EPHA3: variants seen among roughly 807,000 people sequenced by gnomAD.
EPHA3 encodes EPH receptor A3.
A neutral mutation model predicts 107.1 loss-of-function variants in EPHA3; 42 were observed. That is an observed-to-expected ratio of 0.39 (90% CI 0.31 to 0.51). The LOEUF is 0.51. Ranked by LOEUF, EPHA3 falls within the 20% of genes least tolerant of loss-of-function variation. EPHA3 has a pLI of 0.78. For missense variants in EPHA3, 1,183 were observed against 1,211.2 expected (o/e 0.98, Z 0.35); for synonymous variants, 461 against 424.8 (o/e 1.09, Z -1.05).
At chr3:89,208,374 A>C (rs1302896824) in intron 2 of EPHA3, among the ~76,000 whole-genome samples, 2 of 143,570 alleles carry the variant, frequency 1.4e-5, no homozygotes, top group Non-Finnish European at 3.0e-5. Flanking sequence ...CTGTGAAAAA[A>C]AAAAAAAAAG....
chr3:89,109,402 C>A (rs73142568), intron 1 of EPHA3, among the ~76,000 whole-genome samples: 1 of 151,820 alleles, frequency 6.6e-6, no homozygotes, highest in East Asian at 1.9e-4. Flanking sequence ...TTGTTCTTTG[C>A]AGATATTAAA....
At chr3:89,131,694 G>A (rs1165256408) in intron 2 of EPHA3, among the ~76,000 whole-genome samples, 2 of 152,150 alleles carry the variant, frequency 1.3e-5, no homozygotes, top group Non-Finnish European at 2.9e-5. Context: ...TGTAGAAAAA[G>A]CACTGTCTGA....
At chr3:89,203,430 G>A (rs375594875) in intron 2 of EPHA3, among the ~76,000 whole-genome samples, 2 of 151,960 alleles carry the variant, frequency 1.3e-5, no homozygotes, top group East Asian at 1.9e-4. Context: ...CATTGCAACA[G>A]ACCTGAGATC....
intron 3 of EPHA3, among the ~76,000 whole-genome samples, chr3:89,279,186 A>C (rs776114813): frequency 6.6e-6 from 1 of 152,114 alleles, no homozygotes; most frequent in Non-Finnish European, 1.5e-5. Context: ...TGTTCCTTAG[A>C]GTTTTTTTTA....
chr3:89,123,557 A>G (rs983496262), intron 1 of EPHA3, among the ~76,000 whole-genome samples: 1 of 152,162 alleles, frequency 6.6e-6, no homozygotes, highest in Non-Finnish European at 1.5e-5. Context: ...AGTCAAATCA[A>G]CAGTCCAAGT....
intron 5 of EPHA3, among the ~76,000 whole-genome samples, chr3:89,370,411 A>G (rs1466893473): frequency 6.6e-6 from 1 of 151,908 alleles, no homozygotes. Context: ...GCAAGGACAA[A>G]AAACCAAACA....
At chr3:89,368,920 A>C (rs1233254378) in intron 5 of EPHA3, among the ~76,000 whole-genome samples, 1 of 150,556 alleles carries the variant, frequency 6.6e-6, no homozygotes, top group Non-Finnish European at 1.5e-5. Context: ...GCAACCATTA[A>C]TTTTCCAGTT....
At chr3:89,145,575 A>G (rs1704537597) in intron 2 of EPHA3, among the ~76,000 whole-genome samples, 1 of 151,812 alleles carries the variant, frequency 6.6e-6, no homozygotes, top group Admixed American at 6.6e-5. Flanking sequence ...AATAGCTTAT[A>G]TCCTTCCATT....
chr3:89,197,871 G>A (rs1705874026), intron 2 of EPHA3, among the ~76,000 whole-genome samples: 1 of 152,130 alleles, frequency 6.6e-6, no homozygotes, highest in Admixed American at 6.6e-5. Context: ...AGCTACTGGG[G>A]AGGCTGAGGG....
chr3:89,394,950 T>C (rs905572378), intron 5 of EPHA3, among the ~76,000 whole-genome samples: 1 of 152,176 alleles, frequency 6.6e-6, no homozygotes, highest in African/African-American at 2.4e-5. Flanking sequence ...CAGAAGTACT[T>C]TGATGATAGT....
chr3:89,233,336 C>T (rs544004465), intron 3 of EPHA3, among the ~76,000 whole-genome samples: 10 of 152,218 alleles, frequency 6.6e-5, no homozygotes, highest in African/African-American at 2.4e-4. Flanking sequence ...TCCCCCAAGA[C>T]CTACATTGTC....
chr3:89,436,652 A>G (rs1709676674), intron 13 of EPHA3, among the ~76,000 whole-genome samples: 1 of 152,210 alleles, frequency 6.6e-6, no homozygotes, highest in Non-Finnish European at 1.5e-5. Flanking sequence ...TATATAATCT[A>G]ATTATGTATT....
At position 89,355,764 on chromosome 3, in the gene EPHA3, C is replaced by T. The variant is rs1707933396; in HGVS notation, c.1306+13674C>T. On this transcript the variant is annotated intron_variant, in intron 5 of 16. Transcript: ENST00000336596. Reference sequence around the variant, plus strand: ...TCTCCATAATGATCATGCAGATCTTCCCGTGTCTGGGGGAAATAGAAACTC... The same window carrying T: ...TCTCCATAATGATCATGCAGATCTTTCCGTGTCTGGGGGAAATAGAAACTC... 2.0e-5 allele frequency among the ~76,000 whole-genome samples: 3 copies of T among 149,764 alleles called. No individual in the cohort carries two copies. The South Asian group carries it at 6.3e-4, about 31-fold the overall frequency.
intron 13 of EPHA3, among the ~76,000 whole-genome samples, chr3:89,443,711 A>G (rs966630628): frequency 2.0e-5 from 3 of 152,164 alleles, no homozygotes; most frequent in African/African-American, 7.2e-5. Flanking sequence ...AAAATAAGAC[A>G]TACTTTAAAC....
chr3:89,159,692 A>G (rs1272337619), intron 2 of EPHA3, among the ~76,000 whole-genome samples: 1 of 152,126 alleles, frequency 6.6e-6, no homozygotes, highest in Non-Finnish European at 1.5e-5. Flanking sequence ...TTGGAATCCA[A>G]AGCGGATAAA....
chr3:89,266,034 A>G (rs1705531345), intron 3 of EPHA3, among the ~76,000 whole-genome samples: 1 of 152,136 alleles, frequency 6.6e-6, no homozygotes, highest in Non-Finnish European at 1.5e-5. Context: ...AGATATATAA[A>G]CACAATTAAA....
chr3:89,410,343 G>A (rs895170032), intron 9 of EPHA3, among the ~76,000 whole-genome samples: 3 of 151,766 alleles, frequency 2.0e-5, no homozygotes, highest in African/African-American at 7.3e-5. Flanking sequence ...AAGCTGACTG[G>A]TACTTAAGGG....
chr3:89,437,448 T>G (rs570575196), intron 13 of EPHA3, among the ~76,000 whole-genome samples: 1 of 152,138 alleles, frequency 6.6e-6, no homozygotes, highest in South Asian at 2.1e-4. Context: ...GAAAAATTAA[T>G]TCCTTTCCTC....
intron 3 of EPHA3, among the ~76,000 whole-genome samples, chr3:89,215,815 G>A (rs1372924532): frequency 1.3e-5 from 2 of 151,528 alleles, no homozygotes; most frequent in African/African-American, 2.4e-5. Context: ...CTGTTCAGAG[G>A]GAAAAAATCT....
Sources: allele counts gnomAD v4.1 joint callset (sites outside exome capture counted in the v4.1 genomes callset), GRCh38; gene constraint gnomAD v4.1.1; transcripts MANE v1.5; gene names NCBI Gene and HGNC (gene_info 2026-07-23, HGNC 2026-07-21).